The following ALG10 variants were observed in gnomAD, a reference collection of about 807,000 sequenced individuals.
ALG10 encodes dol-P-Glc:Glc(2)Man(9)GlcNAc(2)-PP-Dol alpha-1,2-glucosyltransferase A.
A neutral mutation model predicts 39.2 loss-of-function variants in ALG10; 25 were observed. The ratio of observed to expected loss-of-function variants is 0.64; its 90% CI spans 0.46 to 0.89. ALG10 has a LOEUF of 0.89. Among genes scored for constraint, ALG10 ranks in the 40% least tolerant of loss-of-function variants. The pLI is 0.00. For missense variants in ALG10, 486 were observed against 546.6 expected (o/e 0.89, Z 1.11); for synonymous variants, 184 against 193.9 (o/e 0.95, Z 0.42).
intron 2 of ALG10, among the ~76,000 whole-genome samples, chr12:34,025,188 T>C (rs1399806387): frequency 1.3e-5 from 2 of 152,120 alleles, no homozygotes; most frequent in Non-Finnish European, 2.9e-5. Flanking sequence ...ATCAAGGAAA[T>C]GGCATGGTCT....
upstream of ALG10, chr12:34,022,483 G>T (rs1199013964): frequency 2.0e-6 from 3 of 1,530,166 alleles, no homozygotes; most frequent in East Asian, 2.2e-5. Context: ...CCGGTATGTG[G>T]CCCCGTCTGG....
At position 34,028,181 on chromosome 12, in the gene ALG10, T is replaced by G. The variant is rs369343578; in HGVS notation, c.*1266T>G. Reference sequence around the variant, plus strand: ...TCATATGATTGTTAGGAGACTACCTTTTTAGATTTTTTTTATTATATATCA... The same window carrying G: ...TCATATGATTGTTAGGAGACTACCTGTTTAGATTTTTTTTATTATATATCA... On this transcript the variant is annotated 3_prime_UTR_variant, in exon 3 of 3. Coordinates refer to ENST00000266483, the MANE Select transcript of ALG10 (RefSeq NM_032834.4). 1.1e-4 allele frequency: 17 copies of G among 151,992 alleles called. No individual in the cohort carries two copies. Among genetic ancestry groups the G allele is most frequent in the African/African-American group, 3.9e-4 (16 of 41,276 alleles). 9.4% of individuals were successfully genotyped at this position (151,992 alleles called of 1,614,324 possible).
Position 34,026,816 on chromosome 12 carries a change from G to T in ALG10, c.1323G>T (p.Leu441=), listed in dbSNP as rs377569602. Residue 441 remains leucine (L), a synonymous_variant, in exon 3 of 3, where the codon CTG becomes CTT. Transcript: ENST00000266483. ...LPPTSRLICE[L]SCYAVVNFIT... ...CCACATCCAGACTCATTTGTGAACT[G>T]AGCTGCTATGCAGTTGTTAATTTCA... 4 of 1,613,922 alleles carry T rather than the reference G, an allele frequency of 2.5e-6. No homozygotes were observed. The highest frequency in any genetic ancestry group is 3.4e-6 in the Non-Finnish European group (4 of 1,179,882).
Position 34,022,653 on chromosome 12 carries a change from A to T in ALG10, c.54A>T (p.Leu18Phe). 6.2e-7 allele frequency: 1 copy of T among 1,614,086 alleles called. No individual in the cohort carries two copies. The highest frequency in any genetic ancestry group is 8.5e-7 in the Non-Finnish European group (1 of 1,180,000). Residue 18 changes from leucine to phenylalanine, a missense_variant, in exon 1 of 3, where the codon TTA becomes TTT. Leu to Phe is a conservative substitution (Grantham distance 22, BLOSUM62 0). Transcript: ENST00000266483. ...CGGCCGCCTTGAGCTGTACCTTTTT[A>T]GTATCCTGCCTCCTCTTCTCCGCCT... ...YFSAALSCTFLVSCLLFSAFS... is the reference protein window; with the variant it reads ...YFSAALSCTFFVSCLLFSAFS...
At chr12:34,023,569 A>G (rs1053606802) in intron 1 of ALG10, 18 of 302,926 alleles carry the variant, frequency 5.9e-5, no homozygotes, top group Admixed American at 3.3e-4. Flanking sequence ...TTTCTGTCTC[A>G]GTTTATGTTA....
Position 34,022,625 on chromosome 12 carries a change from T to C in ALG10, c.26T>C (p.Phe9Ser). Residue 9 changes from phenylalanine (F) to serine (S), a missense_variant, in exon 1 of 3, where the codon TTC becomes TCC. Transcript: ENST00000266483. ...ATGGCGCAGCTGGAAGGTTACTATTTCTCGGCCGCCTTGAGCTGTACCTTT... is the reference window on the plus strand; with the variant it reads ...ATGGCGCAGCTGGAAGGTTACTATTCCTCGGCCGCCTTGAGCTGTACCTTT... MAQLEGYY[F>S]SAALSCTFLV... 1 of 1,614,132 alleles carries C rather than the reference T, an allele frequency of 6.2e-7. No homozygotes were observed.
chr12:34,025,236 A>G (rs1464812071), intron 2 of ALG10, among the ~76,000 whole-genome samples: 1 of 152,200 alleles, frequency 6.6e-6, no homozygotes, highest in Non-Finnish European at 1.5e-5. Flanking sequence ...ATACAATTCA[A>G]GAACATAAGA....
At position 34,024,085 on chromosome 12, in the gene ALG10, G is replaced by C. The variant is rs1374356705; in HGVS notation, c.295G>C (p.Val99Leu). 23 of 1,613,964 alleles carry C rather than the reference G, an allele frequency of 1.4e-5. No individual in the cohort carries two copies. Among genetic ancestry groups the C allele is most frequent in the Non-Finnish European group, 1.9e-5 (23 of 1,180,006 alleles). The change falls in exon 2 of 3, where the codon GTT becomes CTT. Residue 99 changes from valine (V) to leucine (L), a missense_variant. Val to Leu is a conservative substitution (Grantham distance 32). Transcript: ENST00000266483. ...VVCSIGMLRF[V>L]NLLFSVGNFY... ...CTGCTCCATTGGGATGCTCAGATTTGTTAATCTTCTCTTCAGTGTTGGCAA... is the reference window on the plus strand; with the variant it reads ...CTGCTCCATTGGGATGCTCAGATTTCTTAATCTTCTCTTCAGTGTTGGCAA...
Position 34,025,980 on chromosome 12 carries a change from G to C in ALG10, c.487G>C (p.Ala163Pro). 1.2e-6 allele frequency: 2 copies of C among 1,613,622 alleles called. No individual in the cohort carries two copies. Among genetic ancestry groups the C allele is most frequent in the East Asian group, 2.2e-5 (1 of 44,852 alleles). The change falls in exon 3 of 3, where the codon GCG (alanine) becomes CCG (proline). Residue 163 changes from alanine to proline, a missense_variant. Coordinates refer to ENST00000266483, the MANE Select transcript of ALG10 (RefSeq NM_032834.4). ...AGGATCTATGTTTTTTACTCTTTTTGCGTATTTGATGTGTCTTTATGGAAA... is the reference window on the plus strand; with the variant it reads ...AGGATCTATGTTTTTTACTCTTTTTCCGTATTTGATGTGTCTTTATGGAAA... ...EAGSMFFTLF[A>P]YLMCLYGNHK... is the part of the protein sequence containing the mutation.
rs11053063 is a variant in ALG10 at position 34,028,076 on chromosome 12, C to T, written c.*1161C>T. ...CATGTTCCAAGTAAGTTTGTATTCA[C>T]ATGATCTGAGTAGACATTGTCTCTT... On this transcript the variant is annotated 3_prime_UTR_variant, in exon 3 of 3. Transcript: ENST00000266483. 0.28 allele frequency: 42,498 copies of T among 152,092 alleles called. 7,496 individuals carry two copies. The highest frequency in any genetic ancestry group is 0.39 in the Non-Finnish European group (26,320 of 67,962). 9.4% of individuals were successfully genotyped at this position (152,092 alleles called of 1,614,324 possible). A position where few individuals can be genotyped will look rare whatever the true frequency, so the allele number is the denominator to read the frequency against.
intron 2 of ALG10, 123 bp from the exon 3 acceptor site, chr12:34,025,740 T>C: frequency 1.7e-6 from 2 of 1,210,950 alleles, no homozygotes; most frequent in South Asian, 2.8e-5. Flanking sequence ...TAATATTGAT[T>C]AATTTTATTT....
chr12:34,026,381 A>G lies in ALG10; in HGVS notation c.888A>G (p.Ser296=), dbSNP rs532531658. The G allele has an allele frequency of 8.1e-6, 13 of 1,613,408 alleles. No individual in the cohort carries two copies. The highest frequency in any genetic ancestry group is 1.3e-5 in the African/African-American group (1 of 74,730). Residue 296 remains serine, a synonymous_variant, in exon 3 of 3, where the codon TCA becomes TCG. Coordinates refer to ENST00000266483, the MANE Select transcript of ALG10 (RefSeq NM_032834.4). ...TTCCTCAACTATTCTACTTTTTTTC[A>G]TTTACTCTCTTTTTTTCCTTTCCTC... The part of the protein sequence containing the change: ...LHFPQLFYFF[S]FTLFFSFPHL...
At chr12:34,022,426 G>C (rs1461968716), upstream of ALG10, 2 of 1,026,468 alleles carry the variant, frequency 1.9e-6, no homozygotes, top group African/African-American at 3.2e-5. Flanking sequence ...CCGGGAAACA[G>C]CGACCCGATC....
At chr12:34,023,000 C>T in intron 1 of ALG10, 1 of 627,972 alleles carries the variant, frequency 1.6e-6, no homozygotes, top group African/African-American at 1.8e-5. Context: ...TGGGAGAATA[C>T]TCAACGGGGA....
intron 2 of ALG10, 70 bp from the exon 3 acceptor site, chr12:34,025,793 T>C: frequency 1.3e-6 from 2 of 1,565,230 alleles, no homozygotes; most frequent in Non-Finnish European, 1.7e-6. Context: ...ATAAATTTCT[T>C]CATTAGGTAA....
chr12:34,023,201 A>T (rs1184022748), intron 1 of ALG10: 1 of 173,490 alleles, frequency 5.8e-6, no homozygotes, highest in Non-Finnish European at 1.2e-5. Context: ...CCAAAAAGTG[A>T]CAATTTATAA....
At position 34,026,458 on chromosome 12, in the gene ALG10, G is replaced by C; in HGVS notation, c.965G>C (p.Arg322Pro). The change falls in exon 3 of 3, where the codon CGT becomes CCT. Residue 322 changes from arginine (R) to proline (P), a missense_variant. Transcript: ENST00000266483. Reference protein sequence around the residue: ...IKTFLSLVWKRRILFFVVTLV... With the variant: ...IKTFLSLVWKPRILFFVVTLV... ...ACTTTTCTTTCCTTAGTTTGGAAACGTAGAATTCTGTTTTTTGTGGTTACC... is the reference window on the plus strand; with the variant it reads ...ACTTTTCTTTCCTTAGTTTGGAAACCTAGAATTCTGTTTTTTGTGGTTACC... The C allele has an allele frequency of 6.2e-7, 1 of 1,613,570 alleles. No homozygotes were observed. The highest frequency in any genetic ancestry group is 1.7e-4 in the Middle Eastern group (1 of 6,060).
At chr12:34,022,846 A>G in intron 1 of ALG10, 76 bp downstream of exon 1, 1 of 1,598,682 alleles carries the variant, frequency 6.3e-7, no homozygotes, top group Non-Finnish European at 8.5e-7. Flanking sequence ...CCATCCTTAG[A>G]CTTCACTCGT....
Position 34,023,958 on chromosome 12 carries a change from A to G in ALG10, c.172-4A>G, listed in dbSNP as rs1259810539. ...CTTTTACTTCATTTTCTTTCATTTT[A>G]AAGTGGGATCCCATGATTACTACAT... On this transcript the variant is annotated splice_polypyrimidine_tract_variant and splice_region_variant and intron_variant, in intron 1 of 2. Transcript: ENST00000266483. The G allele has an allele frequency of 1.9e-6, 3 of 1,613,850 alleles. No homozygotes were observed. The highest frequency in any genetic ancestry group is 1.1e-5 in the South Asian group (1 of 91,080).
Sources: gnomAD v4.1 joint callset for allele counts (sites outside exome capture counted in the v4.1 genomes callset) on GRCh38, gnomAD v4.1.1 for gene constraint, MANE v1.5 for transcripts, NCBI Gene and HGNC (gene_info 2026-07-23, HGNC 2026-07-21) for gene names.